The following ROBO2 variants were observed in gnomAD, a reference collection of about 807,000 sequenced individuals.
ROBO2 encodes the protein roundabout guidance receptor 2, also known as roundabout homolog 2.
A neutral mutation model predicts 160.8 loss-of-function variants in ROBO2; 53 were observed. The ratio of observed to expected loss-of-function variants is 0.33; its 90% CI spans 0.26 to 0.41. The LOEUF is 0.41. ROBO2 is among the 10% of genes least tolerant of loss of function. The probability of loss-of-function intolerance (pLI) is 1.00; values close to 1 mark genes in which losing one functional copy is unlikely to be tolerated. For synonymous variants in ROBO2, 664 were observed against 611.7 expected (o/e 1.09, Z -1.26); for missense variants, 1,577 against 1,722.4 (o/e 0.92, Z 1.49).
intron 2 of ROBO2, among the ~76,000 whole-genome samples, chr3:76,619,196 C>T (rs1008174676): frequency 2.0e-5 from 3 of 151,434 alleles, no homozygotes; most frequent in South Asian, 4.2e-4. Context: ...AAAAATTAGC[C>T]GGGCGTGGTA....
At chr3:76,149,215 A>G (rs1374492118) in intron 2 of ROBO2, among the ~76,000 whole-genome samples, 3 of 152,094 alleles carry the variant, frequency 2.0e-5, no homozygotes, top group Non-Finnish European at 4.4e-5. Flanking sequence ...ACTTTCACCA[A>G]ATCTCTCCTA....
At position 75,934,134 on chromosome 3, in the gene ROBO2, G is replaced by T. The variant is rs1324326426; in HGVS notation, c.-13-3347G>T. ...TTTTGCCTTGTGACCTTAAACATTT[G>T]AAAGACCAAGATGAACACTATTGAA... On this transcript the variant is annotated intron_variant, in intron 1 of 26. Coordinates refer to the ROBO2 transcript ENST00000487694. Among the ~76,000 whole-genome samples, 54 of 152,098 alleles carry T rather than the reference G, an allele frequency of 3.6e-4. 1 individual carries two copies. The highest frequency in any genetic ancestry group is 2.9e-5 in the Non-Finnish European group (2 of 68,022).
intron 2 of ROBO2, among the ~76,000 whole-genome samples, chr3:76,103,012 T>A (rs974495663): frequency 6.7e-4 from 102 of 151,644 alleles, no homozygotes; most frequent in Non-Finnish European, 6.9e-4. Flanking sequence ...TTTAGTAGAG[T>A]CGGGGTTTCA....
At chr3:76,634,925 T>C (rs563787025) in intron 2 of ROBO2, among the ~76,000 whole-genome samples, 131 of 152,252 alleles carry the variant, frequency 8.6e-4, no homozygotes, top group African/African-American at 2.9e-3. Context: ...GTGAACCCTA[T>C]TGTGAATTGC....
chr3:76,215,954 C>T (rs1015286746), intron 2 of ROBO2, among the ~76,000 whole-genome samples: 2 of 152,186 alleles, frequency 1.3e-5, no homozygotes, highest in African/African-American at 4.8e-5. Context: ...AGACTAACAG[C>T]TGATCTCTCA....
chr3:77,281,957 G>C (rs62249724), intron 2 of ROBO2, among the ~76,000 whole-genome samples: 1 of 152,158 alleles, frequency 6.6e-6, no homozygotes, highest in Admixed American at 6.5e-5. Context: ...TGTGCAGCCC[G>C]TTTCCTACCA....
At chr3:76,582,438 C>A (rs1053275068) in intron 2 of ROBO2, among the ~76,000 whole-genome samples, 1 of 151,934 alleles carries the variant, frequency 6.6e-6, no homozygotes, top group Admixed American at 6.6e-5. Flanking sequence ...AATTGTCATG[C>A]AATGTATTTT....
intron 2 of ROBO2, among the ~76,000 whole-genome samples, chr3:76,065,982 A>G (rs1169672097): frequency 9.1e-6 from 1 of 110,470 alleles, no homozygotes; most frequent in African/African-American, 3.9e-5. Context: ...CCCTAAGTAC[A>G]ATTTAGGATT....
At chr3:77,151,368 T>C (rs1398992886) in intron 2 of ROBO2, among the ~76,000 whole-genome samples, 2 of 152,172 alleles carry the variant, frequency 1.3e-5, no homozygotes, top group African/African-American at 2.4e-5. Context: ...TCTTCAGTGA[T>C]AAATAGGAAT....
intron 2 of ROBO2, among the ~76,000 whole-genome samples, chr3:76,735,613 T>G (rs2093695663): frequency 6.6e-6 from 1 of 151,508 alleles, no homozygotes; most frequent in African/African-American, 2.4e-5. Context: ...AACACAAAAC[T>G]TATCTGGCCA....
intron 2 of ROBO2, among the ~76,000 whole-genome samples, chr3:77,456,464 T>C (rs1267021818): frequency 6.6e-6 from 1 of 152,198 alleles, no homozygotes; most frequent in African/African-American, 2.4e-5. Context: ...AGCTAAAGGA[T>C]ATACAGTGTG....
intron 2 of ROBO2, among the ~76,000 whole-genome samples, chr3:76,227,428 AT>A (rs1704356200): frequency 6.6e-6 from 1 of 152,178 alleles, no homozygotes; most frequent in Admixed American, 6.5e-5. Flanking sequence ...ATTAATTTTG[AT>A]TATGACTCTA....
intron 2 of ROBO2, among the ~76,000 whole-genome samples, chr3:77,192,320 T>C (rs2081927793): frequency 6.6e-6 from 1 of 152,210 alleles, no homozygotes; most frequent in Non-Finnish European, 1.5e-5. Context: ...ATTTAAAATG[T>C]AATTCCTTCA....
At chr3:76,259,956 A>G (rs1437656802) in intron 2 of ROBO2, among the ~76,000 whole-genome samples, 2 of 152,186 alleles carry the variant, frequency 1.3e-5, no homozygotes, top group Non-Finnish European at 2.9e-5. Flanking sequence ...TAAAACCTAG[A>G]CTTTTCATAG....
At chr3:76,685,770 C>A (rs1468013880) in intron 2 of ROBO2, among the ~76,000 whole-genome samples, 4 of 152,086 alleles carry the variant, frequency 2.6e-5, no homozygotes, top group Non-Finnish European at 5.9e-5. Flanking sequence ...ATTTTCTTTG[C>A]AATTAATCCT....
At chr3:76,621,143 TTC>T (rs57534517) in intron 2 of ROBO2, among the ~76,000 whole-genome samples, 5,297 of 129,130 alleles carry the variant, frequency 0.041, 112 homozygotes, top group Middle Eastern at 0.085. Context: ...TTTTTTTTTT[TTC>T]AGGCAAGGGA....
chr3:77,250,465 C>A (rs533506796), intron 2 of ROBO2, among the ~76,000 whole-genome samples: 1 of 152,096 alleles, frequency 6.6e-6, no homozygotes, highest in East Asian at 1.9e-4. Flanking sequence ...GCTGGCGAGA[C>A]GTTGTTAGGT....
At chr3:77,338,107 A>G (rs2153448825) in intron 2 of ROBO2, among the ~76,000 whole-genome samples, 1 of 152,302 alleles carries the variant, frequency 6.6e-6, no homozygotes, top group African/African-American at 2.4e-5. Context: ...GCTAAGTTTT[A>G]GAAAACAGAC....
rs536686949 is a variant in ROBO2 at position 76,022,438 on chromosome 3, C to A, written c.109+84836C>A. ...AGAGGAGTCATTATGGCAGCAATAA[C>A]CTTATCATATTTAGTTCTTATGTAA... On this transcript the variant is annotated intron_variant, in intron 2 of 26. Coordinates refer to the ROBO2 transcript ENST00000487694. Among the ~76,000 whole-genome samples the A allele has an allele frequency of 1.8e-4, 28 of 151,786 alleles. 1 individual carries two copies. Among genetic ancestry groups the A allele is most frequent in the African/African-American group, 6.5e-4 (27 of 41,470 alleles).
Sources: gnomAD v4.1 joint callset for allele counts (sites outside exome capture counted in the v4.1 genomes callset) on GRCh38, gnomAD v4.1.1 for gene constraint, MANE v1.5 for transcripts, NCBI Gene and HGNC (gene_info 2026-07-23, HGNC 2026-07-21) for gene names.